The following SPAG1 variants were observed in gnomAD, a reference collection of about 807,000 sequenced individuals.
The protein encoded by SPAG1 is sperm associated antigen 1.
Under a neutral mutation model 100.5 loss-of-function variants are expected in SPAG1, and 69 were observed. The observed-to-expected ratio is 0.69, with a 90% confidence interval of 0.57 to 0.84. The LOEUF is 0.84. Among genes scored for constraint, SPAG1 ranks in the 40% least tolerant of loss-of-function variants. SPAG1 has a pLI of 0.00. For missense variants in SPAG1, 955 were observed against 1,133.1 expected (o/e 0.84, Z 2.26); for synonymous variants, 336 against 411.6 (o/e 0.82, Z 2.22).
At chr8:100,199,368 T>A (rs1458708689) in intron 10 of SPAG1, among the ~76,000 whole-genome samples, 1 of 152,254 alleles carries the variant, frequency 6.6e-6, no homozygotes. Context: ...GAACTAATTA[T>A]GTTGACTGTC....
intron 7 of SPAG1, among the ~76,000 whole-genome samples, chr8:100,186,849 ATCT>A (rs1380025089): frequency 6.6e-6 from 1 of 152,032 alleles, no homozygotes; most frequent in Non-Finnish European, 1.5e-5. Context: ...ATGTCCAAAT[ATCT>A]TCTTCTTATA....
At chr8:100,173,991 A>C (rs1419052872) in intron 3 of SPAG1, among the ~76,000 whole-genome samples, 1 of 152,220 alleles carries the variant, frequency 6.6e-6, no homozygotes, top group Non-Finnish European at 1.5e-5. Flanking sequence ...AAAGGTAGGA[A>C]GTATGTTCCA....
chr8:100,221,117 T>C (rs976746755), intron 13 of SPAG1, among the ~76,000 whole-genome samples: 1 of 152,018 alleles, frequency 6.6e-6, no homozygotes, highest in Non-Finnish European at 1.5e-5. Flanking sequence ...GTACTAGCTA[T>C]AGAATAAGAT....
At position 100,172,490 on chromosome 8, in the gene SPAG1, C is replaced by T. The variant is rs111321154; in HGVS notation, c.301-5326C>T. Reference sequence around the variant, plus strand: ...AAACAATCAGCCAGGTGTGGTGGTGCATGCCTGTAATCCCAGCTACTTAGG... The same window carrying T: ...AAACAATCAGCCAGGTGTGGTGGTGTATGCCTGTAATCCCAGCTACTTAGG... On this transcript the variant is annotated intron_variant, in intron 3 of 18. Coordinates refer to ENST00000388798, the MANE Select transcript of SPAG1 (RefSeq NM_003114.5). Among the ~76,000 whole-genome samples, 731 of 152,080 alleles carry T rather than the reference C, an allele frequency of 4.8e-3. 9 individuals are homozygous for T. The highest frequency in any genetic ancestry group is 0.017 in the African/African-American group (713 of 41,458).
In SPAG1 at chr8:100,179,795, A is replaced by G. The variant is rs539215718; in HGVS notation, c.426+1854A>G. ...ATGTCATTTTAGTATTTTGTGACAAAGTGAGAAGTATGCAGAAAGCACTTC... is the reference window on the plus strand; with the variant it reads ...ATGTCATTTTAGTATTTTGTGACAAGGTGAGAAGTATGCAGAAAGCACTTC... On this transcript the variant is annotated intron_variant, in intron 4 of 18. Coordinates refer to ENST00000388798, the MANE Select transcript of SPAG1 (RefSeq NM_003114.5). Among the ~76,000 whole-genome samples, 3 of 152,332 alleles carry G rather than the reference A, an allele frequency of 2.0e-5. No homozygotes were observed. In the South Asian group the frequency reaches 6.2e-4, roughly 32 times the overall value.
chr8:100,220,522 G>T, intron 13 of SPAG1, 91 bp downstream of exon 13: 2 of 1,044,912 alleles, frequency 1.9e-6, no homozygotes, highest in Admixed American at 2.5e-5. Flanking sequence ...ATATAGATGT[G>T]TTATCAGTTA....
At chr8:100,215,854 T>G (rs2439467) in intron 12 of SPAG1, among the ~76,000 whole-genome samples, 2 of 152,108 alleles carry the variant, frequency 1.3e-5, no homozygotes, top group African/African-American at 4.8e-5. Flanking sequence ...AGCTTGCTAG[T>G]ATCTGTGCCT....
intron 8 of SPAG1, among the ~76,000 whole-genome samples, chr8:100,187,495 C>T (rs1816634999): frequency 6.6e-6 from 1 of 151,904 alleles, no homozygotes; most frequent in Admixed American, 6.6e-5. Context: ...AAAGAAGTAT[C>T]TCAATAAACA....
intron 12 of SPAG1, among the ~76,000 whole-genome samples, chr8:100,217,572 G>A (rs887470451): frequency 1.3e-5 from 2 of 152,022 alleles, no homozygotes; most frequent in African/African-American, 4.8e-5. Flanking sequence ...AAGGGGTTAT[G>A]ATGCTTCAGT....
At chr8:100,226,092 G>A (rs754722494) in intron 14 of SPAG1, among the ~76,000 whole-genome samples, 1 of 151,456 alleles carries the variant, frequency 6.6e-6, no homozygotes, top group Non-Finnish European at 1.5e-5. Flanking sequence ...CACCTCCCAG[G>A]TTCAAGCGAT....
chr8:100,191,324 C>A (rs1816805105), intron 8 of SPAG1, 66 bp from the exon 9 acceptor site: 5 of 1,112,630 alleles, frequency 4.5e-6, no homozygotes, highest in Admixed American at 1.9e-5. Flanking sequence ...CTTCCACTTG[C>A]CAAATATGTT....
intron 16 of SPAG1, among the ~76,000 whole-genome samples, chr8:100,235,470 C>T (rs1436825227): frequency 6.6e-6 from 1 of 152,002 alleles, no homozygotes; most frequent in Non-Finnish European, 1.5e-5. Context: ...GGATGCCTCC[C>T]AGGTTCTGGC....
chr8:100,210,647 C>A (rs1057266715), intron 10 of SPAG1, among the ~76,000 whole-genome samples: 12 of 152,014 alleles, frequency 7.9e-5, no homozygotes, highest in African/African-American at 2.9e-4. Flanking sequence ...TCTCAGGGAT[C>A]CTTATGAGCC....
chr8:100,170,458 TG>T (rs1815765181), intron 3 of SPAG1, among the ~76,000 whole-genome samples: 1 of 152,198 alleles, frequency 6.6e-6, no homozygotes, highest in South Asian at 2.1e-4. Flanking sequence ...CATATTCACA[TG>T]GTTGTGCAAC....
At chr8:100,193,552 A>G (rs10504996) in intron 9 of SPAG1, among the ~76,000 whole-genome samples, 25,513 of 152,210 alleles carry the variant, frequency 0.17, 2,454 homozygotes, top group South Asian at 0.23. Context: ...CGTATATCCA[A>G]CAAAGGATGA....
intron 14 of SPAG1, among the ~76,000 whole-genome samples, chr8:100,230,733 C>A (rs559628468): frequency 6.6e-6 from 1 of 152,164 alleles, no homozygotes; most frequent in Non-Finnish European, 1.5e-5. Flanking sequence ...AAGCACTTCT[C>A]CTGCCTCAGC....
chr8:100,176,969 T>C (rs114376012), intron 3 of SPAG1, among the ~76,000 whole-genome samples: 250 of 151,594 alleles, frequency 1.6e-3, no homozygotes, highest in African/African-American at 6.0e-3. Context: ...TCTTTCTTTT[T>C]TTTCAATGGT....
At position 100,168,610 on chromosome 8, in the gene SPAG1, G is replaced by A. The variant is rs73279029; in HGVS notation, c.300+2637G>A. Among the ~76,000 whole-genome samples the A allele has an allele frequency of 4.4e-3, 658 of 150,646 alleles. 8 individuals carry two copies. Among genetic ancestry groups the A allele is most frequent in the African/African-American group, 0.016 (642 of 40,884 alleles). On this transcript the variant is annotated intron_variant, in intron 3 of 18. Transcript: ENST00000388798. ...AGACAGGGCTTCACTATGTTGTCCA[G>A]GCTAGTCTTGAACTCCTGGGCTGCT...
At chr8:100,207,799 T>C (rs1387033318) in intron 10 of SPAG1, among the ~76,000 whole-genome samples, 2 of 152,242 alleles carry the variant, frequency 1.3e-5, no homozygotes, top group African/African-American at 4.8e-5. Context: ...AGTGGGCTCA[T>C]ACTCATGGAA....
Sources: gnomAD v4.1 joint callset for allele counts (sites outside exome capture counted in the v4.1 genomes callset) on GRCh38, gnomAD v4.1.1 for gene constraint, MANE v1.5 for transcripts, NCBI Gene and HGNC (gene_info 2026-07-23, HGNC 2026-07-21) for gene names.